Variants in STK10 observed in about 807,000 individuals in gnomAD.
STK10 encodes serine/threonine-protein kinase 10.
STK10 carries 78 observed loss-of-function variants against 113.8 expected under a neutral mutation model. That is an observed-to-expected ratio of 0.69 (90% CI 0.57 to 0.83). The LOEUF (loss-of-function observed/expected upper bound fraction) is 0.83. Ranked by LOEUF, STK10 falls within the 40% of genes least tolerant of loss-of-function variation. STK10 has a pLI of 0.00. For synonymous variants in STK10, 465 were observed against 494.7 expected, an observed-to-expected ratio of 0.94 and a Z score of 0.80; for missense variants, 1,109 against 1,280.1, an observed-to-expected ratio of 0.87 and a Z score of 2.04.
At chr5:172,129,954 G>A (rs1479520382) in intron 2 of STK10, among the ~76,000 whole-genome samples, 1 of 152,154 alleles carries the variant, frequency 6.6e-6, no homozygotes, top group Non-Finnish European at 1.5e-5. Flanking sequence ...CTTTCCTTGA[G>A]TTCATGGGTC....
At chr5:172,139,493 GAA>G (rs551856973) in intron 2 of STK10, among the ~76,000 whole-genome samples, 3 of 106,560 alleles carry the variant, frequency 2.8e-5, no homozygotes, top group Non-Finnish European at 2.1e-5. Flanking sequence ...CCCATCTCTG[GAA>G]AAAAAAAAAA....
intron 1 of STK10, among the ~76,000 whole-genome samples, chr5:172,164,134 C>T (rs1376635155): frequency 1.3e-5 from 2 of 150,368 alleles, no homozygotes; most frequent in Admixed American, 6.7e-5. Context: ...ATCACTTGAA[C>T]CCGGGAGGCG....
At chr5:172,109,558 T>C (rs984008756) in intron 4 of STK10, among the ~76,000 whole-genome samples, 7 of 152,200 alleles carry the variant, frequency 4.6e-5, no homozygotes, top group African/African-American at 1.7e-4. Flanking sequence ...CCTCCTGCCT[T>C]GGCCTCCGAA....
chr5:172,149,920 A>C (rs1433696778), intron 2 of STK10, among the ~76,000 whole-genome samples: 1 of 151,356 alleles, frequency 6.6e-6, no homozygotes, highest in East Asian at 1.9e-4. Flanking sequence ...GGTGGCAGAC[A>C]CCTGTAATCC....
intron 7 of STK10, among the ~76,000 whole-genome samples, chr5:172,098,988 CACCACCATCATTACCATT>C (rs1429026287): frequency 6.6e-6 from 1 of 150,924 alleles, no homozygotes; most frequent in Non-Finnish European, 1.5e-5. Context: ...TCATTACCAT[CACCACCATCATTACCATT>C]ACCATCATCA....
chr5:172,116,629 A>T (rs886644831), intron 4 of STK10, among the ~76,000 whole-genome samples: 2 of 151,548 alleles, frequency 1.3e-5, no homozygotes, highest in Admixed American at 1.3e-4. Flanking sequence ...GCACTTTGGG[A>T]GGCCGAGGCG....
At chr5:172,085,831 G>A (rs745668256) in intron 10 of STK10, among the ~76,000 whole-genome samples, 1 of 152,172 alleles carries the variant, frequency 6.6e-6, no homozygotes, top group African/African-American at 2.4e-5. Context: ...TGGGGTCCGT[G>A]AGGCCTGTGT....
At chr5:172,103,636 G>A (rs1769041229) in intron 7 of STK10, among the ~76,000 whole-genome samples, 1 of 151,974 alleles carries the variant, frequency 6.6e-6, no homozygotes, top group Non-Finnish European at 1.5e-5. Flanking sequence ...AGAAAATGAG[G>A]CCTTTGGGCA....
At chr5:172,136,362 C>T (rs942261907) in intron 2 of STK10, among the ~76,000 whole-genome samples, 10 of 152,148 alleles carry the variant, frequency 6.6e-5, no homozygotes, top group African/African-American at 2.4e-4. Context: ...TTTGGAAGGC[C>T]GAGGCGGGTG....
chr5:172,053,810 C>T (rs1204771331), intron 17 of STK10, among the ~76,000 whole-genome samples: 2 of 152,234 alleles, frequency 1.3e-5, no homozygotes, highest in African/African-American at 2.4e-5. Flanking sequence ...AAGTAATACT[C>T]GCAGCAGCGC....
chr5:172,098,451 G>C (rs1036577958), intron 7 of STK10, among the ~76,000 whole-genome samples: 1 of 152,170 alleles, frequency 6.6e-6, no homozygotes, highest in Non-Finnish European at 1.5e-5. Flanking sequence ...GACTGAGCTT[G>C]TTGGGCGGCA....
intron 4 of STK10, among the ~76,000 whole-genome samples, chr5:172,112,765 A>G (rs529570460): frequency 7.0e-6 from 1 of 142,032 alleles, no homozygotes; most frequent in South Asian, 2.2e-4. Flanking sequence ...TTTTTTTTTC[A>G]GATGGAGTTT....
chr5:172,106,456 G>A (rs2113764153), intron 6 of STK10, among the ~76,000 whole-genome samples, 164 bp downstream of exon 6: 1 of 144,746 alleles, frequency 6.9e-6, no homozygotes, highest in Non-Finnish European at 1.5e-5. Flanking sequence ...AGGGCCCGGG[G>A]GGGCTCAGAA....
chr5:172,082,607 T>C lies in STK10; in HGVS notation c.1810-102A>G. ...AGAACTCAGAGCTTGTGATCAGACC[T>C]AAGCTTGAATCCCAGCTCTACTACC... On this transcript the variant is annotated intron_variant, in intron 11 of 18. Coordinates refer to ENST00000176763, the MANE Select transcript of STK10 (RefSeq NM_005990.4). This position sits in a 1 kb window ranked among gnomAD's most constrained non-coding sequence, Gnocchi z 4.3. 1.4e-6 allele frequency: 2 copies of C among 1,393,642 alleles called. No homozygotes were observed. The allele number at this position is 1,393,642 out of a possible 1,614,324, so 86.3% of individuals were successfully genotyped here.
chr5:172,111,495 TG>T (rs775634059), intron 4 of STK10, among the ~76,000 whole-genome samples: 60 of 152,166 alleles, frequency 3.9e-4, no homozygotes, highest in Non-Finnish European at 7.1e-4. Flanking sequence ...GGGGCCCAGA[TG>T]GGAGAGTGGG....
intron 2 of STK10, among the ~76,000 whole-genome samples, chr5:172,155,086 G>C: frequency 8.9e-6 from 1 of 112,914 alleles, no homozygotes; most frequent in Non-Finnish European, 1.6e-5. Flanking sequence ...GCACAGAGAG[G>C]AAGATGAATG....
At chr5:172,106,545 G>T in intron 6 of STK10, 75 bp downstream of exon 6, 1 of 1,459,828 alleles carries the variant, frequency 6.9e-7, no homozygotes, top group Non-Finnish European at 9.2e-7. Flanking sequence ...CACCTCCCCA[G>T]CCCCGTCCAC....
chr5:172,089,765 ATGAATGGATGGG>A (rs1244529959), intron 10 of STK10, among the ~76,000 whole-genome samples: 1 of 151,762 alleles, frequency 6.6e-6, no homozygotes, highest in Non-Finnish European at 1.5e-5. Context: ...GAATGGATGG[ATGAATGGATGGG>A]TGAATGACTG....
Position 172,056,987 on chromosome 5 carries a change from GAAAGAAAGAGAAAGAAGGAA to G in STK10, c.2337+342_2337+361del, listed in dbSNP as rs1354138718. On this transcript the variant is annotated intron_variant, in intron 15 of 18. Coordinates refer to ENST00000176763, the MANE Select transcript of STK10 (RefSeq NM_005990.4). ...AGAAAGAAAGAAAGAAAGAAAGAAA[GAAAGAAAGAGAAAGAAGGAA>G]AGAAAGAAAGAAAGAAAGAAAGAAA... 103 of 94,710 alleles carry G rather than the reference GAAAGAAAGAGAAAGAAGGAA, an allele frequency of 1.1e-3. 1 individual carries two copies. In the South Asian group the frequency reaches 0.012, roughly 11 times the overall value. The allele number at this position is 94,710 out of a possible 1,614,324, so 5.9% of individuals were successfully genotyped here.
Sources: gnomAD v4.1 joint callset for allele counts (sites outside exome capture counted in the v4.1 genomes callset) on GRCh38, gnomAD v4.1.1 for gene constraint, Gnocchi (gnomAD v3.1) non-coding constraint, MANE v1.5 for transcripts, NCBI Gene and HGNC (gene_info 2026-07-23, HGNC 2026-07-21) for gene names.